NRROS: variants seen among roughly 807,000 people sequenced by gnomAD.
The protein encoded by NRROS is negative regulator of reactive oxygen species.
NRROS carries 6 observed loss-of-function variants against 12.0 expected under a neutral mutation model. The ratio of observed to expected loss-of-function variants is 0.50; its 90% CI spans 0.27 to 0.98. NRROS has a LOEUF of 0.98. Among genes scored for constraint, NRROS ranks in the 50% least tolerant of loss-of-function variants. The probability of loss-of-function intolerance (pLI) is 0.11; values close to 1 mark genes in which losing one functional copy is unlikely to be tolerated. For missense variants in NRROS, 857 were observed against 888.2 expected (o/e 0.96, Z 0.45); for synonymous variants, 462 against 410.2 (o/e 1.13, Z -1.53).
At chr3:196,649,800 G>A (rs781773402) in intron 1 of NRROS, among the ~76,000 whole-genome samples, 8 of 152,116 alleles carry the variant, frequency 5.3e-5, no homozygotes, top group Non-Finnish European at 1.0e-4. Flanking sequence ...AGAGTGCCCC[G>A]AGAGCTGCCC....
At chr3:196,659,669 G>A in intron 2 of NRROS, 83 bp from the exon 3 acceptor site, 5 of 1,405,036 alleles carry the variant, frequency 3.6e-6, no homozygotes, top group Non-Finnish European at 4.8e-6. Flanking sequence ...TGCAGGGACA[G>A]TCTGATAAGT....
Position 196,654,870 on chromosome 3 carries a change from GC to G in NRROS, c.108+225del, listed in dbSNP as rs2108640718. ...GCAGTCCCTGCCCCGCCGTTCTCAC[GC>G]CTGCTGAGGATAGGAGGCATCCGAG... On this transcript the variant is annotated intron_variant, in intron 2 of 2. Transcript: ENST00000328557. This position sits in a 1 kb window ranked among gnomAD's most constrained non-coding sequence, Gnocchi z 4.4. The G allele has an allele frequency of 3.8e-6, 2 of 526,962 alleles. No homozygotes were observed. Among genetic ancestry groups the G allele is most frequent in the African/African-American group, 3.9e-5 (2 of 51,626 alleles). 32.6% of individuals were successfully genotyped at this position (526,962 alleles called of 1,614,324 possible).
At position 196,657,097 on chromosome 3, in the gene NRROS, AG is replaced by A. The variant is rs1472663479; in HGVS notation, c.108+2452del. On this transcript the variant is annotated intron_variant, in intron 2 of 2. Transcript: ENST00000328557. Reference sequence around the variant, plus strand: ...CGGGCACCTGTGATCTCAGCTACTCAGGAGGCTGAGGCAGGCGAATCGCTTG... The same window carrying A: ...CGGGCACCTGTGATCTCAGCTACTCAGAGGCTGAGGCAGGCGAATCGCTTG... Among the ~76,000 whole-genome samples, 7 of 151,866 alleles carry A rather than the reference AG, an allele frequency of 4.6e-5. 1 individual carries two copies. Among genetic ancestry groups the A allele is most frequent in the African/African-American group, 1.7e-4 (7 of 41,328 alleles).
In NRROS at chr3:196,661,672, C is replaced by A; in HGVS notation, c.2029C>A (p.Pro677Thr). Residue 677 changes from proline to threonine, a missense_variant, in exon 3 of 3, where the codon CCT becomes ACT. By Grantham distance (38) the Pro-to-Thr change is conservative. Coordinates refer to ENST00000328557, the MANE Select transcript of NRROS (RefSeq NM_198565.3). ...CTVIVLTFKK[P>T]LLQVIKSRCH... ...TGTCATCGTCCTCACTTTTAAGAAG[C>A]CTCTGCTTCAGGTCATCAAGAGCCG... The A allele has an allele frequency of 1.9e-6, 3 of 1,604,418 alleles. No homozygotes were observed. The highest frequency in any genetic ancestry group is 3.3e-4 in the Middle Eastern group (2 of 6,062).
Position 196,654,526 on chromosome 3 carries a change from G to A in NRROS, c.-13-1G>A. 1 of 1,576,130 alleles carries A rather than the reference G, an allele frequency of 6.3e-7. No individual in the cohort carries two copies. Among genetic ancestry groups the A allele is most frequent in the Non-Finnish European group, 8.7e-7 (1 of 1,145,398 alleles). ...ACCTCTTCCCTGCTCTCTGTCCACAGGGCTGCCCTTGAGATGGAGTTGCTG... is the reference window on the plus strand; with the variant it reads ...ACCTCTTCCCTGCTCTCTGTCCACAAGGCTGCCCTTGAGATGGAGTTGCTG... On this transcript the variant is annotated splice_acceptor_variant, in intron 1 of 2. Transcript: ENST00000328557. LOFTEE classifies it low-confidence loss of function (5UTR_SPLICE). The surrounding 1 kb of genome is among the most constrained non-coding windows in gnomAD (Gnocchi z 4.4).
At chr3:196,649,510 C>T (rs541651874) in intron 1 of NRROS, among the ~76,000 whole-genome samples, 6 of 152,096 alleles carry the variant, frequency 3.9e-5, no homozygotes, top group Non-Finnish European at 7.4e-5. Flanking sequence ...CTCGCTCTGT[C>T]GCCCAGGCTG....
At chr3:196,650,336 G>T (rs1451060821) in intron 1 of NRROS, among the ~76,000 whole-genome samples, 1 of 152,154 alleles carries the variant, frequency 6.6e-6, no homozygotes, top group Non-Finnish European at 1.5e-5. Flanking sequence ...TAGAGACAGG[G>T]TTTCACCAGG....
intron 2 of NRROS, among the ~76,000 whole-genome samples, chr3:196,659,296 CTTTTTTTTTTTT>C (rs35305090): frequency 1.1e-4 from 9 of 81,412 alleles, no homozygotes; most frequent in African/African-American, 2.0e-4. Flanking sequence ...CTCTCAAGTC[CTTTTTTTTTTTT>C]TTTTTTTTTT....
At chr3:196,646,747 C>G (rs1400024111) in intron 1 of NRROS, among the ~76,000 whole-genome samples, 1 of 152,200 alleles carries the variant, frequency 6.6e-6, no homozygotes, top group African/African-American at 2.4e-5. Flanking sequence ...AGAGCCTCAT[C>G]CATTCCCAGA....
chr3:196,647,718 T>C (rs1426581784), intron 1 of NRROS, among the ~76,000 whole-genome samples: 1 of 152,122 alleles, frequency 6.6e-6, no homozygotes, highest in Non-Finnish European at 1.5e-5. Context: ...GCCACTATGC[T>C]CGGCTAATTT....
intron 2 of NRROS, among the ~76,000 whole-genome samples, chr3:196,655,430 G>A (rs1737517186): frequency 1.3e-5 from 2 of 151,870 alleles, no homozygotes; most frequent in South Asian, 4.1e-4. Flanking sequence ...AGCTACTTGG[G>A]AAGCTGAAGG....
At position 196,654,637 on chromosome 3, in the gene NRROS, T is replaced by C; in HGVS notation, c.98T>C (p.Val33Ala). ...ACAGCCACAGCAGCCTCCCAAGGAG[T>C]CTGCAAGTTGGTGAGTTTCCCTTGA... Reference protein sequence around the residue: ...SGTATAASQGVCKLVGGAADC... With the variant: ...SGTATAASQGACKLVGGAADC... The change falls in exon 2 of 3, where the codon GTC (valine) becomes GCC (alanine). Residue 33 changes from valine to alanine, a missense_variant. Val to Ala is a moderately conservative substitution (Grantham distance 64). Coordinates refer to ENST00000328557, the MANE Select transcript of NRROS (RefSeq NM_198565.3). This position sits in a 1 kb window ranked among gnomAD's most constrained non-coding sequence, Gnocchi z 4.4. 1 of 1,606,884 alleles carries C rather than the reference T, an allele frequency of 6.2e-7. No homozygotes were observed. Among genetic ancestry groups the C allele is most frequent in the Non-Finnish European group, 8.5e-7 (1 of 1,174,208 alleles).
At chr3:196,641,723 G>C (rs1737212714) in intron 1 of NRROS, among the ~76,000 whole-genome samples, 1 of 152,194 alleles carries the variant, frequency 6.6e-6, no homozygotes, top group Non-Finnish European at 1.5e-5. Flanking sequence ...TTTTGGAAGA[G>C]AGATGCTAGT....
chr3:196,660,199 C>T lies in NRROS; in HGVS notation c.556C>T (p.Leu186=), dbSNP rs372967822. 1 of 1,613,204 alleles carries T rather than the reference C, an allele frequency of 6.2e-7. No homozygotes were observed. Among genetic ancestry groups the T allele is most frequent in the Admixed American group, 1.7e-5 (1 of 60,014 alleles). ...VFEGLERLRE[L]DLQRNYIFEI... ...CGAGGGCCTGGAGCGTCTCCGGGAG[C>T]TGGATCTGCAGAGGAACTACATCTT... is the stretch of plus-strand genomic sequence containing the variant. The change falls in exon 3 of 3, where the codon CTG becomes TTG. Residue 186 remains leucine (L), a synonymous_variant. Coordinates refer to ENST00000328557, the MANE Select transcript of NRROS (RefSeq NM_198565.3). The surrounding 1 kb of genome is among the most constrained non-coding windows in gnomAD (Gnocchi z 7.7).
chr3:196,660,506 G>T lies in NRROS; in HGVS notation c.863G>T (p.Arg288Leu). 1.9e-6 allele frequency: 3 copies of T among 1,614,102 alleles called. No homozygotes were observed. Among genetic ancestry groups the T allele is most frequent in the Non-Finnish European group, 2.5e-6 (3 of 1,180,032 alleles). The change falls in exon 3 of 3, where the codon CGG becomes CTG. Residue 288 changes from arginine to leucine, a missense_variant. Transcript: ENST00000328557. The surrounding 1 kb of genome is among the most constrained non-coding windows in gnomAD (Gnocchi z 7.7). ...CGCGACAACAACATGGGCTTCTACC[G>T]GGACCTGTACAACACCTCGTCGCCG... ...LLRDNNMGFY[R>L]DLYNTSSPRE...
Position 196,661,878 on chromosome 3 carries a change from C to A in NRROS, c.*156C>A. The A allele has an allele frequency of 2.0e-6, 1 of 502,210 alleles. No individual in the cohort carries two copies. Among genetic ancestry groups the A allele is most frequent in the Non-Finnish European group, 3.4e-6 (1 of 297,184 alleles). The allele number at this position is 502,210 out of a possible 1,614,324, so 31.1% of individuals were successfully genotyped here. ...TTCCTCATCGCCCACCCCACCCCCG[C>A]CCCCACCACCGCCCAAGTTCTTTTT... On this transcript the variant is annotated 3_prime_UTR_variant, in exon 3 of 3. Transcript: ENST00000328557.
At chr3:196,646,728 G>A (rs184680069) in intron 1 of NRROS, among the ~76,000 whole-genome samples, 191 of 152,204 alleles carry the variant, frequency 1.3e-3, no homozygotes, top group African/African-American at 4.1e-3. Context: ...ATCCCCCCCC[G>A]ATGGAGGCAG....
chr3:196,661,176 C>A lies in NRROS; in HGVS notation c.1533C>A (p.Pro511=), dbSNP rs550855249. 6.2e-7 allele frequency: 1 copy of A among 1,612,904 alleles called. No individual in the cohort carries two copies. Among genetic ancestry groups the A allele is most frequent in the South Asian group, 1.1e-5 (1 of 90,926 alleles). ...GSLAPLQDVA[P]MLQVLSLRNM... The stretch of plus-strand genomic sequence containing the variant: ...TCGCCCCACTCCAGGATGTTGCCCC[C>A]ATGTTACAGGTCCTGTCTCTCAGGA... The change falls in exon 3 of 3, where the codon CCC becomes CCA. Residue 511 remains proline, a synonymous_variant. Coordinates refer to ENST00000328557, the MANE Select transcript of NRROS (RefSeq NM_198565.3).
chr3:196,640,481 T>C (rs966467609), intron 1 of NRROS, among the ~76,000 whole-genome samples: 2 of 152,168 alleles, frequency 1.3e-5, no homozygotes, highest in Non-Finnish European at 2.9e-5. Flanking sequence ...AAGCCCCTTC[T>C]CCCACAGAAC....
Sources: gnomAD v4.1 joint callset for allele counts (sites outside exome capture counted in the v4.1 genomes callset) on GRCh38, gnomAD v4.1.1 for gene constraint, Gnocchi (gnomAD v3.1) non-coding constraint, MANE v1.5 for transcripts, NCBI Gene and HGNC (gene_info 2026-07-23, HGNC 2026-07-21) for gene names.